The following PDCD6IP variants were observed in gnomAD, a reference collection of about 807,000 sequenced individuals.
PDCD6IP encodes the protein programmed cell death 6 interacting protein, also known as programmed cell death 6-interacting protein.
Under a neutral mutation model 103.7 loss-of-function variants are expected in PDCD6IP, and 43 were observed. That is an observed-to-expected ratio of 0.41 (90% CI 0.32 to 0.53). The LOEUF (loss-of-function observed/expected upper bound fraction) is 0.53, where lower values mean the gene tolerates loss of function less well. Among genes scored for constraint, PDCD6IP ranks in the 20% least tolerant of loss-of-function variants. The pLI is 0.16. For missense variants in PDCD6IP, 871 were observed against 1,036.7 expected, an observed-to-expected ratio of 0.84 and a Z score of 2.20; for synonymous variants, 354 against 378.7, an observed-to-expected ratio of 0.93 and a Z score of 0.76.
chr3:33,804,815 T>C (rs554232764), intron 1 of PDCD6IP, among the ~76,000 whole-genome samples: 1 of 152,300 alleles, frequency 6.6e-6, no homozygotes, highest in South Asian at 2.1e-4. Context: ...TTAATGATTT[T>C]TCATGTGTTA....
intron 15 of PDCD6IP, among the ~76,000 whole-genome samples, chr3:33,857,259 C>T (rs1366628299): frequency 6.6e-6 from 1 of 152,086 alleles, no homozygotes; most frequent in Non-Finnish European, 1.5e-5. Flanking sequence ...TGGCTCACTG[C>T]AACCTCTGCC....
Position 33,821,937 on chromosome 3 carries a change from C to T in PDCD6IP, c.335-18C>T. 1 of 1,596,022 alleles carries T rather than the reference C, an allele frequency of 6.3e-7. No homozygotes were observed. The highest frequency in any genetic ancestry group is 8.5e-7 in the Non-Finnish European group (1 of 1,171,416). ...GAAAAAATAATCTGATGAATTTTTC[C>T]TTCTCAATTTTTTACAGCTCTTGCA... On this transcript the variant is annotated intron_variant, in intron 3 of 17. Coordinates refer to ENST00000307296, the MANE Select transcript of PDCD6IP (RefSeq NM_013374.6).
rs1697740755 is a variant in PDCD6IP, at chr3:33,852,547, G to C, written c.1701G>C (p.Glu567Asp). The C allele has an allele frequency of 1.3e-6, 2 of 1,560,680 alleles. No individual in the cohort carries two copies. Among genetic ancestry groups the C allele is most frequent in the Non-Finnish European group, 1.7e-6 (2 of 1,160,910 alleles). Reference protein sequence around the residue: ...SNLDEVKKEREGLENDLKSVN... With the variant: ...SNLDEVKKERDGLENDLKSVN... ...TTGATGAAGTAAAGAAGGAAAGAGA[G>C]GGTCTGGAGAATGACTTGAAATCTG... The change falls in exon 13 of 18, where the codon GAG (glutamate) becomes GAC (aspartate). Residue 567 changes from glutamate (E) to aspartate (D), a missense_variant. Physicochemically the swap from Glu to Asp is conservative, Grantham distance 45 (BLOSUM62 2). This residue lies in a region of PDCD6IP where 266 missense variants were observed against 390.5 expected (regional missense o/e 0.68). Transcript: ENST00000307296.
chr3:33,867,954 A>T lies in PDCD6IP; in HGVS notation c.*1429A>T, dbSNP rs1698103120. On this transcript the variant is annotated 3_prime_UTR_variant, in exon 18 of 18. Coordinates refer to ENST00000307296, the MANE Select transcript of PDCD6IP (RefSeq NM_013374.6). Reference sequence around the variant, plus strand: ...AATGTTCGAATGAAAGTATGATTGTAAAAGGGAGTGAATTGGTTTAAAAAT... The same window carrying T: ...AATGTTCGAATGAAAGTATGATTGTTAAAGGGAGTGAATTGGTTTAAAAAT... 6.6e-6 allele frequency: 1 copy of T among 152,206 alleles called. No individual in the cohort carries two copies. Among genetic ancestry groups the T allele is most frequent in the Admixed American group, 6.5e-5 (1 of 15,280 alleles). 9.4% of individuals were successfully genotyped at this position (152,206 alleles called of 1,614,324 possible).
chr3:33,845,422 G>T lies in PDCD6IP; in HGVS notation c.1475G>T (p.Gly492Val). The change falls in exon 12 of 18, where the codon GGA becomes GTA. Residue 492 changes from glycine to valine, a missense_variant. By Grantham distance (109) the Gly-to-Val change is moderately radical. Around this residue, in one of 5 missense-constraint regions of PDCD6IP, gnomAD observed 266 missense variants for 390.5 expected, o/e 0.68. Coordinates refer to ENST00000307296, the MANE Select transcript of PDCD6IP (RefSeq NM_013374.6). ...GCAAACTTTTATTTTCTCCCAGAGG[G>T]AACCAACTTCAGAACAGTTTTAGAT... is the stretch of plus-strand genomic sequence containing the variant. ...NELYKPLRAE[G>V]TNFRTVLDKA... 1 of 1,611,094 alleles carries T rather than the reference G, an allele frequency of 6.2e-7. No homozygotes were observed.
At chr3:33,823,667 A>T (rs1458424298) in intron 4 of PDCD6IP, among the ~76,000 whole-genome samples, 3 of 152,054 alleles carry the variant, frequency 2.0e-5, no homozygotes, top group Non-Finnish European at 4.4e-5. Flanking sequence ...CTGTAGTCTG[A>T]GCTACTCGGG....
chr3:33,817,824 TAGAA>T (rs1444406734), intron 3 of PDCD6IP, among the ~76,000 whole-genome samples: 3 of 152,098 alleles, frequency 2.0e-5, no homozygotes, highest in Middle Eastern at 3.4e-3. Flanking sequence ...GTTAAATACT[TAGAA>T]AGGCATCTTT....
At chr3:33,835,999 C>A in intron 7 of PDCD6IP, 45 bp from the exon 8 acceptor site, 1 of 1,046,172 alleles carries the variant, frequency 9.6e-7, no homozygotes, top group Non-Finnish European at 1.4e-6. Context: ...GAAATAAAAT[C>A]ACCTCCCTCT....
intron 13 of PDCD6IP, 106 bp downstream of exon 13, chr3:33,852,842 T>C: frequency 2.3e-6 from 3 of 1,326,692 alleles, no homozygotes; most frequent in Middle Eastern, 4.6e-4. Context: ...AGAATATCTG[T>C]AGTTAAGAGT....
At chr3:33,850,579 A>G (rs367633261) in intron 12 of PDCD6IP, among the ~76,000 whole-genome samples, 6 of 152,106 alleles carry the variant, frequency 3.9e-5, no homozygotes, top group Admixed American at 1.3e-4. Context: ...CATATTATGT[A>G]TATGTATATT....
In PDCD6IP at chr3:33,837,147, C is replaced by T. The variant is rs543638121; in HGVS notation, c.1057+881C>T. Among the ~76,000 whole-genome samples the T allele has an allele frequency of 1.3e-3, 202 of 152,020 alleles. 1 individual carries two copies. Among genetic ancestry groups the T allele is most frequent in the African/African-American group, 4.7e-3 (195 of 41,468 alleles). ...GTTGGTCAGGCTGGCCTGGAACTCCCGACTTCAGGTGATCCACCTGCCTCA... is the reference window on the plus strand; with the variant it reads ...GTTGGTCAGGCTGGCCTGGAACTCCTGACTTCAGGTGATCCACCTGCCTCA... On this transcript the variant is annotated intron_variant, in intron 8 of 17. Coordinates refer to ENST00000307296, the MANE Select transcript of PDCD6IP (RefSeq NM_013374.6).
intron 8 of PDCD6IP, among the ~76,000 whole-genome samples, chr3:33,836,595 C>T (rs1222965443): frequency 6.6e-6 from 1 of 151,972 alleles, no homozygotes; most frequent in Non-Finnish European, 1.5e-5. Flanking sequence ...GTGGCTCACA[C>T]CTGTAATCCT....
Position 33,866,730 on chromosome 3 carries a change from A to G in PDCD6IP, c.*205A>G, listed in dbSNP as rs1161895429. ...GAGATTTGCTGCTGTTGCAGTATAA[A>G]CACTAGGTATAATAGGATTTGAAAT... On this transcript the variant is annotated 3_prime_UTR_variant, in exon 18 of 18. Transcript: ENST00000307296. 2.4e-6 allele frequency: 1 copy of G among 410,366 alleles called. No individual in the cohort carries two copies. The highest frequency in any genetic ancestry group is 4.3e-6 in the Non-Finnish European group (1 of 233,796). The allele number at this position is 410,366 out of a possible 1,614,324, so 25.4% of individuals were successfully genotyped here.
intron 15 of PDCD6IP, among the ~76,000 whole-genome samples, chr3:33,858,129 A>G (rs1269745396): frequency 2.0e-5 from 3 of 152,224 alleles, no homozygotes; most frequent in South Asian, 4.1e-4. Context: ...AGTGGCTTTC[A>G]TGTAAATAAA....
At position 33,825,138 on chromosome 3, in the gene PDCD6IP, A is replaced by G. The variant is rs574070037; in HGVS notation, c.463-49A>G. The G allele has an allele frequency of 6.7e-5, 101 of 1,503,128 alleles. No homozygotes were observed. The South Asian group carries it at 1.1e-3, about 17-fold the overall frequency. 93.1% of individuals were successfully genotyped at this position (1,503,128 alleles called of 1,614,324 possible). ...TGACTTTTATATGTAACAGTAGGAA[A>G]TTAAGTCTTGCTGAGTTCCTATAAA... On this transcript the variant is annotated intron_variant, in intron 4 of 17. Transcript: ENST00000307296.
Position 33,838,287 on chromosome 3 carries a change from T to C in PDCD6IP, c.1141T>C (p.Ser381Pro), listed in dbSNP as rs753454743. Residue 381 changes from serine (S) to proline (P), a missense_variant, in exon 9 of 18, where the codon TCA becomes CCA. Ser to Pro is a moderately conservative substitution (Grantham distance 74). This residue lies in a region of PDCD6IP where 266 missense variants were observed against 390.5 expected (regional missense o/e 0.68). Transcript: ENST00000307296. Reference protein sequence around the residue: ...NQRKADLVNRSIAQMREATTL... With the variant: ...NQRKADLVNRPIAQMREATTL... ...GAGGAAAGCCGATTTGGTTAACAGA[T>C]CAATTGCTCAGATGAGAGAAGCCAC... 1.2e-6 allele frequency: 2 copies of C among 1,613,414 alleles called. No homozygotes were observed. The highest frequency in any genetic ancestry group is 1.7e-6 in the Non-Finnish European group (2 of 1,179,338).
At position 33,812,114 on chromosome 3, in the gene PDCD6IP, T is replaced by C; in HGVS notation, c.252T>C (p.Phe84=). ...QICSIEPKFP[F]SENQICLTFT... ...GTTCTATTGAACCCAAATTCCCATT[T>C]TCTGAAAATCAGGTAAGTCATTAAT... Residue 84 remains phenylalanine (F), a synonymous_variant, in exon 2 of 18, where the codon TTT becomes TTC. Coordinates refer to ENST00000307296, the MANE Select transcript of PDCD6IP (RefSeq NM_013374.6). 1.2e-6 allele frequency: 2 copies of C among 1,601,476 alleles called. No individual in the cohort carries two copies. The highest frequency in any genetic ancestry group is 1.7e-6 in the Non-Finnish European group (2 of 1,174,008).
intron 3 of PDCD6IP, among the ~76,000 whole-genome samples, chr3:33,814,749 A>G (rs1696804407): frequency 6.9e-6 from 1 of 145,684 alleles, no homozygotes; most frequent in Admixed American, 7.0e-5. Flanking sequence ...ATATATGTAT[A>G]TATACTTACA....
rs1343239541 is a variant in PDCD6IP, at chr3:33,869,118, CTT to C, written c.*2595_*2596del. 2.0e-5 allele frequency: 3 copies of C among 152,200 alleles called. No individual in the cohort carries two copies. The highest frequency in any genetic ancestry group is 4.4e-5 in the Non-Finnish European group (3 of 68,044). The allele number at this position is 152,200 out of a possible 1,614,324, so 9.4% of individuals were successfully genotyped here. ...CTAAAGTTCTGTCCCAGTCAGCAGTCTTTATAGTCCAAACAGATTATAAAAAA... is the reference window on the plus strand; with the variant it reads ...CTAAAGTTCTGTCCCAGTCAGCAGTCTATAGTCCAAACAGATTATAAAAAA... On this transcript the variant is annotated 3_prime_UTR_variant, in exon 18 of 18. Coordinates refer to ENST00000307296, the MANE Select transcript of PDCD6IP (RefSeq NM_013374.6).
Sources: gnomAD v4.1 joint callset for allele counts (sites outside exome capture counted in the v4.1 genomes callset) on GRCh38, gnomAD v4.1.1 for gene constraint, gnomAD v4.1.1 regional missense constraint, MANE v1.5 for transcripts, NCBI Gene and HGNC (gene_info 2026-07-23, HGNC 2026-07-21) for gene names.